The following NTRK2 variants were observed in gnomAD, a reference collection of about 807,000 sequenced individuals.
NTRK2 encodes neurotrophic receptor tyrosine kinase 2.
NTRK2 carries 13 observed loss-of-function variants against 94.5 expected under a neutral mutation model. That is an observed-to-expected ratio of 0.14 (90% CI 0.09 to 0.22). The LOEUF is 0.22. Among genes scored for constraint, NTRK2 ranks in the 10% least tolerant of loss-of-function variants. The pLI is 1.00. For missense variants in NTRK2, 639 were observed against 1,071.2 expected, an observed-to-expected ratio of 0.60 and a Z score of 5.63; for synonymous variants, 372 against 407.4, an observed-to-expected ratio of 0.91 and a Z score of 1.05.
chr9:84,936,700 C>A, intron 15 of NTRK2, among the ~76,000 whole-genome samples: 1 of 152,112 alleles, frequency 6.6e-6, no homozygotes, highest in East Asian at 1.9e-4. Flanking sequence ...TTTGTTAAAT[C>A]CCAACTCTTC....
At chr9:84,861,318 G>C (rs1301442714) in intron 13 of NTRK2, among the ~76,000 whole-genome samples, 1 of 152,166 alleles carries the variant, frequency 6.6e-6, no homozygotes, top group African/African-American at 2.4e-5. Flanking sequence ...TTTTTATCCT[G>C]TGGGGGAAGT....
At chr9:84,681,871 A>G (rs2059412590) in intron 2 of NTRK2, among the ~76,000 whole-genome samples, 1 of 152,220 alleles carries the variant, frequency 6.6e-6, no homozygotes, top group South Asian at 2.1e-4. Context: ...TTGCTATATA[A>G]AGAGGCATAT....
rs546589465 is a variant in NTRK2, at chr9:84,743,903, A to G, written c.1196-1070A>G. Among the ~76,000 whole-genome samples, 240 of 152,344 alleles carry G rather than the reference A, an allele frequency of 1.6e-3. 1 individual carries two copies. Among genetic ancestry groups the G allele is most frequent in the Non-Finnish European group, 2.9e-3 (198 of 68,034 alleles). On this transcript the variant is annotated intron_variant, in intron 10 of 18. Coordinates refer to ENST00000277120, the MANE Select transcript of NTRK2 (RefSeq NM_006180.6). The stretch of plus-strand genomic sequence containing the variant: ...TTTGGCATTAAGAATGAAACAGCAA[A>G]CACATAGAAAATAGATTTTTTTCTG...
intron 12 of NTRK2, among the ~76,000 whole-genome samples, chr9:84,754,876 G>A (rs557329007): frequency 4.6e-5 from 7 of 152,304 alleles, no homozygotes; most frequent in African/African-American, 1.2e-4. Flanking sequence ...CTAGCAATGC[G>A]TGGTTTATTT....
chr9:84,822,837 C>CCCTT (rs2131592905), intron 12 of NTRK2, among the ~76,000 whole-genome samples: 1 of 152,300 alleles, frequency 6.6e-6, no homozygotes, highest in East Asian at 1.9e-4. Context: ...GCATTTGGTA[C>CCCTT]CCTTGGTCAA....
intron 12 of NTRK2, among the ~76,000 whole-genome samples, chr9:84,768,230 A>C (rs1588469209): frequency 1.3e-5 from 2 of 152,254 alleles, no homozygotes; most frequent in Non-Finnish European, 2.9e-5. Flanking sequence ...AATTTTCAGA[A>C]TTCAAATATG....
chr9:84,951,145 C>G (rs933183032), intron 16 of NTRK2, among the ~76,000 whole-genome samples: 1 of 152,160 alleles, frequency 6.6e-6, no homozygotes, highest in African/African-American at 2.4e-5. Flanking sequence ...CAATTTAATT[C>G]TTCTTTGCTG....
At chr9:84,802,547 G>A (rs2070618654) in intron 12 of NTRK2, among the ~76,000 whole-genome samples, 1 of 152,162 alleles carries the variant, frequency 6.6e-6, no homozygotes, top group African/African-American at 2.4e-5. Flanking sequence ...TAGCAGCATG[G>A]GCTTATTCCA....
chr9:84,797,981 T>C (rs575437071), intron 12 of NTRK2, among the ~76,000 whole-genome samples: 1 of 147,432 alleles, frequency 6.8e-6, no homozygotes, highest in Middle Eastern at 3.2e-3. Flanking sequence ...TCAGGACTCC[T>C]GGGTATGAGC....
intron 9 of NTRK2, among the ~76,000 whole-genome samples, chr9:84,739,915 A>G (rs1359531656): frequency 6.6e-6 from 1 of 152,230 alleles, no homozygotes; most frequent in Non-Finnish European, 1.5e-5. Flanking sequence ...AAATCAAATC[A>G]GTGAATGTGA....
Position 84,709,911 on chromosome 9 carries a change from A to G in NTRK2, c.429-726A>G, listed in dbSNP as rs952186930. 1.6e-3 allele frequency among the ~76,000 whole-genome samples: 244 copies of G among 151,974 alleles called. 2 individuals carry two copies. Among genetic ancestry groups the G allele is most frequent in the Non-Finnish European group, 1.5e-4 (10 of 68,002 alleles). ...GGTGGCTTTCCACCCACAGTGGTCT[A>G]ACGCAGCTCAATCTGCAGCTCAGTT... On this transcript the variant is annotated intron_variant, in intron 5 of 18. Coordinates refer to ENST00000277120, the MANE Select transcript of NTRK2 (RefSeq NM_006180.6).
At chr9:84,975,720 G>A (rs563820565) in intron 17 of NTRK2, among the ~76,000 whole-genome samples, 10 of 151,962 alleles carry the variant, frequency 6.6e-5, no homozygotes, top group South Asian at 4.1e-4. Flanking sequence ...CCCACATTTC[G>A]TTAGATTCTG....
Position 84,752,297 on chromosome 9 carries a change from T to A in NTRK2, c.1396+212T>A, listed in dbSNP as rs77504328. 9.4e-3 allele frequency among the ~76,000 whole-genome samples: 1,425 copies of A among 152,320 alleles called. 20 individuals are homozygous for A. The highest frequency in any genetic ancestry group is 0.033 in the African/African-American group (1,354 of 41,570). ...ACCCACTTTTCCATGAGAACAGTTGTCCCGGGAGACAGAACTGGGTTCTTG... is the reference window on the plus strand; with the variant it reads ...ACCCACTTTTCCATGAGAACAGTTGACCCGGGAGACAGAACTGGGTTCTTG... On this transcript the variant is annotated intron_variant, in intron 12 of 18. Transcript: ENST00000277120.
In NTRK2 at chr9:84,867,802, A is replaced by T. The variant is rs560698288; in HGVS notation, c.1633+371A>T. ...GATGACAAGCAATGAATGTAATTTA[A>T]ATTTAGCCTATAGAAAGTAATTGAA... On this transcript the variant is annotated intron_variant, in intron 14 of 18. Transcript: ENST00000277120. Among the ~76,000 whole-genome samples the T allele has an allele frequency of 2.6e-5, 4 of 152,278 alleles. No homozygotes were observed. In the South Asian group the frequency reaches 8.3e-4, roughly 32 times the overall value.
chr9:84,961,062 A>G (rs770427774), intron 17 of NTRK2, among the ~76,000 whole-genome samples: 18 of 152,200 alleles, frequency 1.2e-4, no homozygotes, highest in Non-Finnish European at 1.8e-4. Context: ...CCTATCTCAG[A>G]CAACATTTTC....
intron 12 of NTRK2, chr9:84,812,187 A>G: frequency 1.9e-6 from 2 of 1,058,090 alleles, no homozygotes; most frequent in Non-Finnish European, 2.3e-6. Flanking sequence ...AATCTTAATA[A>G]ACCAGGATCC....
At chr9:84,753,574 C>T (rs558364415) in intron 12 of NTRK2, among the ~76,000 whole-genome samples, 4 of 152,168 alleles carry the variant, frequency 2.6e-5, no homozygotes, top group Non-Finnish European at 5.9e-5. Flanking sequence ...TTGGTAGAGA[C>T]ATCGCAAACC....
At chr9:84,831,897 A>G (rs1354569677) in intron 12 of NTRK2, among the ~76,000 whole-genome samples, 1 of 152,210 alleles carries the variant, frequency 6.6e-6, no homozygotes, top group African/African-American at 2.4e-5. Context: ...ATAAACCTCT[A>G]AAAAAGGCAA....
intron 14 of NTRK2, among the ~76,000 whole-genome samples, chr9:84,932,185 A>G (rs1384100862): frequency 6.6e-6 from 1 of 152,226 alleles, no homozygotes; most frequent in African/African-American, 2.4e-5. Flanking sequence ...TCAACATAGA[A>G]TGGATAAATA....
Sources: gnomAD v4.1 joint callset for allele counts (sites outside exome capture counted in the v4.1 genomes callset) on GRCh38, gnomAD v4.1.1 for gene constraint, MANE v1.5 for transcripts, NCBI Gene and HGNC (gene_info 2026-07-23, HGNC 2026-07-21) for gene names.